Variants in REEP5 observed in about 807,000 individuals in gnomAD.
REEP5 encodes receptor accessory protein 5.
In REEP5, 24 loss-of-function variants were observed where a neutral mutation model predicts 22.4. The observed-to-expected ratio is 1.07, with a 90% CI of 0.78 to 1.51. REEP5 has a LOEUF of 1.51. Among genes scored for constraint, REEP5 ranks in the 40% most tolerant of loss-of-function variants. REEP5 has a pLI of 0.00. For missense variants in REEP5, 252 were observed against 233.0 expected, an observed-to-expected ratio of 1.08 and a Z score of -0.53; for synonymous variants, 103 against 88.6, an observed-to-expected ratio of 1.16 and a Z score of -0.92.
intron 2 of REEP5, 118 bp from the exon 3 acceptor site, chr5:112,902,636 C>T: frequency 1.2e-6 from 1 of 847,458 alleles, no homozygotes; most frequent in Non-Finnish European, 1.8e-6. Context: ...CATGTAGGCA[C>T]TGTGTCACTA....
intron 3 of REEP5, chr5:112,891,799 G>A (rs1023173942): frequency 3.7e-6 from 6 of 1,607,962 alleles, no homozygotes; most frequent in Non-Finnish European, 4.3e-6. Flanking sequence ...GGAGGAGGAA[G>A]AGGACACTTT....
At chr5:112,916,266 A>C (rs909675803) in intron 2 of REEP5, among the ~76,000 whole-genome samples, 1 of 152,048 alleles carries the variant, frequency 6.6e-6, no homozygotes, top group African/African-American at 2.4e-5. Flanking sequence ...TTTTTTCTTC[A>C]AATTAACCTT....
intron 2 of REEP5, among the ~76,000 whole-genome samples, chr5:112,913,523 G>A (rs964723228): frequency 1.7e-5 from 2 of 118,314 alleles, no homozygotes; most frequent in Non-Finnish European, 3.3e-5. Flanking sequence ...GGGTGACAGA[G>A]TATGACCCTG....
chr5:112,892,276 A>C (rs1468245480), intron 3 of REEP5: 6 of 1,614,146 alleles, frequency 3.7e-6, no homozygotes, highest in Non-Finnish European at 5.1e-6. Flanking sequence ...CATGTTTACA[A>C]CGTTTGGAAT....
At chr5:112,906,793 G>GCA (rs1409121453) in intron 2 of REEP5, among the ~76,000 whole-genome samples, 1 of 152,166 alleles carries the variant, frequency 6.6e-6, no homozygotes, top group Non-Finnish European at 1.5e-5. Flanking sequence ...GCAGAACTGT[G>GCA]TTTGGAAACC....
At chr5:112,902,351 G>A in intron 3 of REEP5, 29 bp downstream of exon 3, 1 of 1,589,430 alleles carries the variant, frequency 6.3e-7, no homozygotes, top group Non-Finnish European at 8.5e-7. Flanking sequence ...TACTGAGATG[G>A]AGTTTTAGTG....
intron 4 of REEP5, among the ~76,000 whole-genome samples, chr5:112,884,432 G>A (rs1270672450): frequency 6.6e-6 from 1 of 151,230 alleles, no homozygotes; most frequent in Non-Finnish European, 1.5e-5. Context: ...TTGTAACCCA[G>A]GCTAGAGTGG....
chr5:112,891,705 A>G, intron 3 of REEP5: 1 of 1,614,144 alleles, frequency 6.2e-7, no homozygotes, highest in Non-Finnish European at 8.5e-7. Flanking sequence ...CAAGCCACAA[A>G]AAGTACAGGG....
At chr5:112,892,550 G>A (rs374367256) in intron 3 of REEP5, 13 of 1,614,094 alleles carry the variant, frequency 8.1e-6, no homozygotes, top group East Asian at 2.2e-5. Context: ...CAGCTGCAAT[G>A]TGAATTCTGC....
intron 2 of REEP5, among the ~76,000 whole-genome samples, chr5:112,906,392 A>C (rs777906583): frequency 3.3e-5 from 5 of 152,246 alleles, no homozygotes; most frequent in Non-Finnish European, 5.9e-5. Flanking sequence ...GCTGGATAGC[A>C]CTCAGCAAAA....
At chr5:112,888,825 G>A (rs1768343338) in intron 3 of REEP5, among the ~76,000 whole-genome samples, 1 of 150,750 alleles carries the variant, frequency 6.6e-6, no homozygotes, top group Non-Finnish European at 1.5e-5. Context: ...GTTGGAGACT[G>A]ACATGGTTTA....
intron 3 of REEP5, among the ~76,000 whole-genome samples, chr5:112,889,471 A>G (rs540058501): frequency 2.6e-5 from 4 of 150,992 alleles, no homozygotes; most frequent in African/African-American, 9.8e-5. Flanking sequence ...AAGGAAAGCA[A>G]TTCACCAAGA....
chr5:112,894,093 T>C (rs148046777), intron 3 of REEP5: 1,640 of 151,448 alleles, frequency 0.011, 22 homozygotes, highest in Non-Finnish European at 0.013. Flanking sequence ...GTGGAAGCCT[T>C]TTGGTTGGTT....
intron 3 of REEP5, among the ~76,000 whole-genome samples, chr5:112,899,843 A>T (rs985990636): frequency 6.6e-6 from 1 of 152,252 alleles, no homozygotes; most frequent in African/African-American, 2.4e-5. Context: ...AGATTTTGGA[A>T]TATGTACATT....
intron 2 of REEP5, among the ~76,000 whole-genome samples, chr5:112,913,727 A>G (rs1769170483): frequency 6.6e-6 from 1 of 152,148 alleles, no homozygotes; most frequent in Admixed American, 6.5e-5. Context: ...CAAATATAAC[A>G]ATGCGGAATG....
At chr5:112,896,034 A>T (rs73221991) in intron 3 of REEP5, 8 of 152,556 alleles carry the variant, frequency 5.2e-5, no homozygotes, top group African/African-American at 1.9e-4. Context: ...TTTCCCCCAG[A>T]AGAGATATTT....
chr5:112,881,423 A>G (rs1012865238), intron 4 of REEP5, among the ~76,000 whole-genome samples: 1 of 152,264 alleles, frequency 6.6e-6, no homozygotes, highest in South Asian at 2.1e-4. Flanking sequence ...AATTTCTAAA[A>G]TCTGAGTCCC....
At chr5:112,908,772 G>A (rs1769026033) in intron 2 of REEP5, among the ~76,000 whole-genome samples, 2 of 151,456 alleles carry the variant, frequency 1.3e-5, no homozygotes, top group South Asian at 4.2e-4. Context: ...AGCCAGGATT[G>A]TCTCGATCTC....
chr5:112,912,410 G>A (rs1445536808), intron 2 of REEP5, among the ~76,000 whole-genome samples: 2 of 151,926 alleles, frequency 1.3e-5, no homozygotes, highest in Non-Finnish European at 2.9e-5. Context: ...GACTGACAGT[G>A]TGGAAAAAAA....
Sources: gnomAD v4.1 joint callset for allele counts (sites outside exome capture counted in the v4.1 genomes callset) on GRCh38, gnomAD v4.1.1 for gene constraint, MANE v1.5 for transcripts, NCBI Gene and HGNC (gene_info 2026-07-23, HGNC 2026-07-21) for gene names.